Variants in SYNE3 observed in about 807,000 individuals in gnomAD.
The protein encoded by SYNE3 is nesprin-3.
SYNE3 carries 100 observed loss-of-function variants against 111.2 expected under a neutral mutation model. That is an observed-to-expected ratio of 0.90 (90% CI 0.77 to 1.06). The LOEUF is 1.06. Ranked by LOEUF, SYNE3 falls within the 50% of genes least tolerant of loss-of-function variation. The pLI, the probability that SYNE3 is intolerant of heterozygous loss-of-function variation, is 0.00. For missense variants in SYNE3, 1,160 were observed against 1,240.3 expected (o/e 0.94, Z 0.97); for synonymous variants, 547 against 533.9 (o/e 1.02, Z -0.34).
At chr14:95,516,228 C>A (rs566966540) in intron 1 of SYNE3, 1 of 152,432 alleles carries the variant, frequency 6.6e-6, no homozygotes, top group African/African-American at 2.4e-5. Flanking sequence ...CAGGTCAGCC[C>A]GCCCCTAGGG....
In SYNE3 at chr14:95,485,505, G is replaced by A. The variant is rs901290697; in HGVS notation, c.-14-9670C>T. On this transcript the variant is annotated intron_variant, in intron 1 of 17. Coordinates refer to ENST00000682763, the MANE Select transcript of SYNE3 (RefSeq NM_152592.6). This position sits in a 1 kb window ranked among gnomAD's most constrained non-coding sequence, Gnocchi z 4.3. ...GCTGCTCCCCGACCAAAGACAGGAC[G>A]CCCTAACCTACAGGTGCTAGGAGCT... Among the ~76,000 whole-genome samples the A allele has an allele frequency of 1.4e-4, 22 of 152,076 alleles. No individual in the cohort carries two copies. Among genetic ancestry groups the A allele is most frequent in the African/African-American group, 4.3e-4 (18 of 41,398 alleles).
intron 17 of SYNE3, among the ~76,000 whole-genome samples, chr14:95,427,563 T>G (rs1566956639): frequency 6.6e-6 from 1 of 151,982 alleles, no homozygotes; most frequent in East Asian, 1.9e-4. Flanking sequence ...TGGCATAAGC[T>G]GTCCTCTCTC....
chr14:95,501,015 C>T (rs968272223), intron 1 of SYNE3, among the ~76,000 whole-genome samples: 1 of 152,256 alleles, frequency 6.6e-6, no homozygotes, highest in Non-Finnish European at 1.5e-5. Flanking sequence ...ATGGTCCACA[C>T]GCTTTGCATG....
Position 95,417,800 on chromosome 14 carries a change from G to C in SYNE3, c.*26C>G. On this transcript the variant is annotated 3_prime_UTR_variant, in exon 18 of 18. Coordinates refer to ENST00000682763, the MANE Select transcript of SYNE3 (RefSeq NM_152592.6). ...CCTGGGACTGATGGAGGTTGGAGGA[G>C]AAAGTCACCTGTGTGCCCCAGTGGG... 1 of 1,613,084 alleles carries C rather than the reference G, an allele frequency of 6.2e-7. No individual in the cohort carries two copies. The highest frequency in any genetic ancestry group is 8.5e-7 in the Non-Finnish European group (1 of 1,178,974).
chr14:95,475,666 G>A lies in SYNE3; in HGVS notation c.144+12C>T, dbSNP rs780487739. The A allele has an allele frequency of 2.8e-5, 43 of 1,515,710 alleles. No individual in the cohort carries two copies. Among genetic ancestry groups the A allele is most frequent in the Non-Finnish European group, 3.7e-5 (42 of 1,135,796 alleles). 93.9% of individuals were successfully genotyped at this position (1,515,710 alleles called of 1,614,324 possible). A position where few individuals can be genotyped will look rare whatever the true frequency, so the allele number is the denominator to read the frequency against. On this transcript the variant is annotated intron_variant, in intron 2 of 17. Transcript: ENST00000682763. ...AGACCACAGGGCCATCTGAGGCCAC[G>A]CCTCTGCATACCTCGGTCTCCCACA...
At chr14:95,429,447 G>A (rs1282054622) in intron 17 of SYNE3, among the ~76,000 whole-genome samples, 2 of 152,292 alleles carry the variant, frequency 1.3e-5, no homozygotes, top group Non-Finnish European at 2.9e-5. Flanking sequence ...ACCTGGGATC[G>A]TGTTAGAAAT....
In SYNE3 at chr14:95,450,050, G is replaced by A. The variant is rs780002803; in HGVS notation, c.1330C>T (p.His444Tyr). 6.4e-7 allele frequency: 1 copy of A among 1,566,808 alleles called. No homozygotes were observed. Among genetic ancestry groups the A allele is most frequent in the Non-Finnish European group, 8.7e-7 (1 of 1,155,830 alleles). The change falls in exon 8 of 18, where the codon CAT becomes TAT. Residue 444 changes from histidine (H) to tyrosine (Y), a missense_variant. Transcript: ENST00000682763. ...AGATCCTGCAGAGGCCGCTGGAAAT[G>A]CTGCCACAGCTCCACCGCCGCGGCA... ...RNAAAVELWQ[H>Y]FQRPLQDLQL...
chr14:95,483,834 G>C (rs778432086), intron 1 of SYNE3, among the ~76,000 whole-genome samples: 1 of 152,204 alleles, frequency 6.6e-6, no homozygotes, highest in Non-Finnish European at 1.5e-5. Context: ...CTGTCCACCA[G>C]CTAGGCATGG....
At chr14:95,513,699 T>C (rs1366537927) in intron 1 of SYNE3, among the ~76,000 whole-genome samples, 1 of 148,226 alleles carries the variant, frequency 6.7e-6, no homozygotes, top group Non-Finnish European at 1.5e-5. Flanking sequence ...CTGCTGCTCC[T>C]GGGTTCCTAT....
chr14:95,490,455 T>C (rs1566685505), intron 1 of SYNE3, among the ~76,000 whole-genome samples: 1 of 152,250 alleles, frequency 6.6e-6, no homozygotes, highest in Admixed American at 6.5e-5. Context: ...ATCAGGTAGA[T>C]GCCATGGCCA....
At chr14:95,487,704 T>G (rs1341069306) in intron 1 of SYNE3, among the ~76,000 whole-genome samples, 2 of 151,936 alleles carry the variant, frequency 1.3e-5, no homozygotes, top group Admixed American at 6.6e-5. Context: ...AATTCCCACC[T>G]CCCACCTACA....
chr14:95,450,974 C>G (rs979862222), intron 7 of SYNE3: 1 of 152,148 alleles, frequency 6.6e-6, no homozygotes, highest in African/African-American at 2.4e-5. Context: ...ATTGCTTGAT[C>G]AAAGTTTTAA....
At position 95,450,115 on chromosome 14, in the gene SYNE3, G is replaced by T; in HGVS notation, c.1275-10C>A. 1 of 1,569,354 alleles carries T rather than the reference G, an allele frequency of 6.4e-7. No homozygotes were observed. Among genetic ancestry groups the T allele is most frequent in the South Asian group, 1.2e-5 (1 of 85,502 alleles). On this transcript the variant is annotated splice_polypyrimidine_tract_variant and intron_variant, in intron 7 of 17. Coordinates refer to ENST00000682763, the MANE Select transcript of SYNE3 (RefSeq NM_152592.6). ...GCTCTTCACCTTCAGGCTGCAAGGA[G>T]CGTGGAGGGAGAAAATGAGGGAGGA...
intron 1 of SYNE3, among the ~76,000 whole-genome samples, chr14:95,510,858 C>T (rs1199146146): frequency 6.6e-6 from 1 of 152,172 alleles, no homozygotes; most frequent in Non-Finnish European, 1.5e-5. Context: ...GCCCATGCCA[C>T]AAAGGCAGTG....
intron 1 of SYNE3, among the ~76,000 whole-genome samples, chr14:95,512,787 G>A (rs1890770292): frequency 6.6e-6 from 1 of 152,062 alleles, no homozygotes; most frequent in African/African-American, 2.4e-5. Flanking sequence ...AAACCCGGCA[G>A]GTGGAGCTTG....
At chr14:95,428,780 C>T (rs1267781914) in intron 17 of SYNE3, among the ~76,000 whole-genome samples, 1 of 152,174 alleles carries the variant, frequency 6.6e-6, no homozygotes, top group East Asian at 1.9e-4. Flanking sequence ...TTGGCAAGTG[C>T]CTAGGCAGCT....
chr14:95,459,779 C>T (rs186357890), intron 4 of SYNE3, among the ~76,000 whole-genome samples: 1 of 152,122 alleles, frequency 6.6e-6, no homozygotes, highest in African/African-American at 2.4e-5. Flanking sequence ...AGGCTTAGGA[C>T]CAAGCTCTTC....
intron 8 of SYNE3, among the ~76,000 whole-genome samples, chr14:95,448,311 G>A (rs962766503): frequency 7.2e-6 from 1 of 138,054 alleles, no homozygotes; most frequent in African/African-American, 2.5e-5. Flanking sequence ...TAGAAAAGAT[G>A]GCCCACCATC....
chr14:95,412,656 T>C lies in SYNE3; in HGVS notation c.*5170A>G, dbSNP rs1184209646. 6.6e-6 allele frequency: 1 copy of C among 152,218 alleles called. No homozygotes were observed. 9.4% of individuals were successfully genotyped at this position (152,218 alleles called of 1,614,324 possible). On this transcript the variant is annotated 3_prime_UTR_variant, in exon 18 of 18. Coordinates refer to ENST00000682763, the MANE Select transcript of SYNE3 (RefSeq NM_152592.6). ...GGCTCCTGGCCTCCCCTGAACCCAG[T>C]TGCCACAACTTTCCACGATGTCCCT... is the stretch of plus-strand genomic sequence containing the variant.
Sources: gnomAD v4.1 joint callset for allele counts (sites outside exome capture counted in the v4.1 genomes callset) on GRCh38, gnomAD v4.1.1 for gene constraint, Gnocchi (gnomAD v3.1) non-coding constraint, MANE v1.5 for transcripts, NCBI Gene and HGNC (gene_info 2026-07-23, HGNC 2026-07-21) for gene names.